NELL1: variants seen among roughly 807,000 people sequenced by gnomAD.
NELL1 encodes the protein protein kinase C-binding protein NELL1.
In NELL1, 76 loss-of-function variants were observed where a neutral mutation model predicts 107.4. The ratio of observed to expected loss-of-function variants is 0.71; its 90% CI spans 0.59 to 0.86. NELL1 has a LOEUF of 0.86. NELL1 is among the 40% of genes least tolerant of loss of function. The pLI, the probability that NELL1 is intolerant of heterozygous loss-of-function variation, is 0.00. For missense variants in NELL1, 1,024 were observed against 1,005.5 expected (o/e 1.02, Z -0.25); for synonymous variants, 353 against 341.2 (o/e 1.03, Z -0.38).
At chr11:20,725,986 A>G (rs1201708238) in intron 2 of NELL1, among the ~76,000 whole-genome samples, 5 of 146,642 alleles carry the variant, frequency 3.4e-5, no homozygotes, top group Non-Finnish European at 6.1e-5. Context: ...CAGTTGTGAG[A>G]ACATGGAGTA....
intron 15 of NELL1, among the ~76,000 whole-genome samples, chr11:21,400,015 A>T (rs554974338): frequency 3.3e-5 from 5 of 151,804 alleles, no homozygotes; most frequent in Non-Finnish European, 7.4e-5. Flanking sequence ...AATATAAAAG[A>T]TTATTTCTGT....
intron 15 of NELL1, among the ~76,000 whole-genome samples, chr11:21,420,435 G>A (rs912330941): frequency 6.6e-6 from 1 of 152,072 alleles, no homozygotes; most frequent in Non-Finnish European, 1.5e-5. Context: ...GGTGATAGTG[G>A]CTGAAAATGG....
At chr11:21,361,883 C>T (rs1366540768) in intron 14 of NELL1, among the ~76,000 whole-genome samples, 1 of 151,932 alleles carries the variant, frequency 6.6e-6, no homozygotes, top group Non-Finnish European at 1.5e-5. Flanking sequence ...AATTTTTCAC[C>T]CATATCCTAT....
chr11:21,125,576 T>A (rs942836988), intron 13 of NELL1, among the ~76,000 whole-genome samples: 1 of 152,240 alleles, frequency 6.6e-6, no homozygotes, highest in Non-Finnish European at 1.5e-5. Flanking sequence ...AATAATTTTA[T>A]CAGGCATATA....
intron 2 of NELL1, among the ~76,000 whole-genome samples, chr11:20,755,559 T>TTTTTTTTTTTTTTTTTA (rs1337491294): frequency 4.0e-4 from 7 of 17,682 alleles, no homozygotes; most frequent in East Asian, 3.6e-3. Context: ...TGTTTTTGTT[T>TTTTTTTTTTTTTTTTTA]TTGTTTTTTT....
chr11:20,733,206 C>T (rs1855687113), intron 2 of NELL1, among the ~76,000 whole-genome samples: 1 of 152,192 alleles, frequency 6.6e-6, no homozygotes, highest in Non-Finnish European at 1.5e-5. Context: ...TCTTTGTTCT[C>T]TCCTACATCT....
chr11:21,349,022 T>C (rs1436490453), intron 14 of NELL1, among the ~76,000 whole-genome samples: 2 of 152,050 alleles, frequency 1.3e-5, no homozygotes, highest in Admixed American at 6.6e-5. Context: ...TAACAGGAAA[T>C]CAGGTGTGTC....
intron 5 of NELL1, among the ~76,000 whole-genome samples, chr11:20,917,531 A>G (rs1204622114): frequency 6.6e-5 from 10 of 151,932 alleles, no homozygotes; most frequent in African/African-American, 2.4e-4. Context: ...AATCAGAAAA[A>G]ACCCTAACAA....
At chr11:21,570,349 T>C (rs1362626183) in intron 17 of NELL1, among the ~76,000 whole-genome samples, 2 of 151,790 alleles carry the variant, frequency 1.3e-5, no homozygotes, top group Non-Finnish European at 2.9e-5. Flanking sequence ...CTTTCACGGT[T>C]GGGACAGGGA....
intron 12 of NELL1, among the ~76,000 whole-genome samples, chr11:21,099,221 AC>A (rs1275589126): frequency 3.6e-5 from 5 of 140,682 alleles, no homozygotes; most frequent in African/African-American, 1.4e-4. Flanking sequence ...ACACACACAC[AC>A]ACACACACAC....
intron 2 of NELL1, among the ~76,000 whole-genome samples, chr11:20,699,991 G>A (rs1854731263): frequency 6.6e-6 from 1 of 152,026 alleles, no homozygotes; most frequent in South Asian, 2.1e-4. Flanking sequence ...GAGTAAGGTG[G>A]TATCTCATTG....
chr11:21,004,490 G>C (rs780262702), intron 12 of NELL1, among the ~76,000 whole-genome samples: 1 of 152,110 alleles, frequency 6.6e-6, no homozygotes, highest in Non-Finnish European at 1.5e-5. Flanking sequence ...CATATTTAAT[G>C]TTATCTAATG....
At chr11:21,034,978 A>G (rs1326133378) in intron 12 of NELL1, among the ~76,000 whole-genome samples, 1 of 152,116 alleles carries the variant, frequency 6.6e-6, no homozygotes, top group Admixed American at 6.6e-5. Flanking sequence ...ACTCAGGAAA[A>G]TAGACTGCTA....
intron 3 of NELL1, among the ~76,000 whole-genome samples, chr11:20,799,720 A>C (rs186127144): frequency 1.1e-4 from 17 of 152,318 alleles, no homozygotes; most frequent in African/African-American, 3.8e-4. Context: ...GAGTACATGC[A>C]CAGAGTTGTT....
At chr11:20,961,637 C>T (rs1236839454) in intron 12 of NELL1, among the ~76,000 whole-genome samples, 1 of 152,032 alleles carries the variant, frequency 6.6e-6, no homozygotes, top group East Asian at 1.9e-4. Flanking sequence ...TCGAACAACA[C>T]GGGTTTAAAC....
intron 13 of NELL1, among the ~76,000 whole-genome samples, chr11:21,126,022 C>G (rs892935577): frequency 6.6e-6 from 1 of 152,106 alleles, no homozygotes; most frequent in Admixed American, 6.6e-5. Flanking sequence ...AGAGTAAACG[C>G]TCAATAACTG....
rs572602794 is a variant in NELL1 at position 21,272,000 on chromosome 11, G to T, written c.1549+42546G>T. Among the ~76,000 whole-genome samples the T allele has an allele frequency of 2.6e-4, 40 of 152,320 alleles. No homozygotes were observed. The East Asian group carries it at 7.1e-3, about 27-fold the overall frequency. ...GCGATGCAGAAGATGGGTGATTTCT[G>T]CATTTCCAACTGAGGTACTGGGTTC... On this transcript the variant is annotated intron_variant, in intron 14 of 19. Transcript: ENST00000357134.
intron 2 of NELL1, among the ~76,000 whole-genome samples, chr11:20,764,857 G>A (rs1856497040): frequency 6.6e-6 from 1 of 152,070 alleles, no homozygotes. Context: ...AGAACTGGGG[G>A]CTGCTGTTTA....
chr11:21,426,395 G>C (rs573045279), intron 15 of NELL1, among the ~76,000 whole-genome samples: 1 of 152,256 alleles, frequency 6.6e-6, no homozygotes, highest in Non-Finnish European at 1.5e-5. Flanking sequence ...AAAAATGAAT[G>C]AATGCATAAT....
Sources: gnomAD v4.1 joint callset for allele counts (sites outside exome capture counted in the v4.1 genomes callset) on GRCh38, gnomAD v4.1.1 for gene constraint, MANE v1.5 for transcripts, NCBI Gene and HGNC (gene_info 2026-07-23, HGNC 2026-07-21) for gene names.